Variants in UVRAG observed in about 807,000 individuals in gnomAD.
The protein encoded by UVRAG is UV radiation resistance associated, also known as UV radiation resistance-associated gene protein.
A neutral mutation model predicts 78.0 loss-of-function variants in UVRAG; 19 were observed. The ratio of observed to expected loss-of-function variants is 0.24; its 90% CI spans 0.17 to 0.36. The LOEUF is 0.36. UVRAG is among the 10% of genes least tolerant of loss of function. UVRAG has a pLI of 1.00. For synonymous variants in UVRAG, 323 were observed against 324.6 expected (o/e 1.00, Z 0.05); for missense variants, 740 against 853.8 (o/e 0.87, Z 1.66).
At chr11:76,117,518 T>C (rs775750574) in intron 14 of UVRAG, among the ~76,000 whole-genome samples, 2 of 152,220 alleles carry the variant, frequency 1.3e-5, no homozygotes, top group Non-Finnish European at 2.9e-5. Flanking sequence ...TCTAAAAGTG[T>C]TGTTGAGATT....
rs567299206 is a variant in UVRAG at position 76,055,542 on chromosome 11, AT to A, written c.1227-10167del. ...TGTTATTGTATCTTTCCATTTATCT[AT>A]CTGTTTATCTATTATATCAACCTAT... On this transcript the variant is annotated intron_variant, in intron 12 of 14. Transcript: ENST00000356136. Among the ~76,000 whole-genome samples, 451 of 152,220 alleles carry A rather than the reference AT, an allele frequency of 3.0e-3. 4 individuals are homozygous for A. The highest frequency in any genetic ancestry group is 0.01 in the African/African-American group (428 of 41,544).
At chr11:75,982,644 T>G (rs1284653727) in intron 7 of UVRAG, among the ~76,000 whole-genome samples, 1 of 152,172 alleles carries the variant, frequency 6.6e-6, no homozygotes, top group East Asian at 1.9e-4. Context: ...TGGCCTTCTT[T>G]GAAACGGGCA....
At chr11:75,923,609 G>C (rs989605615) in intron 6 of UVRAG, among the ~76,000 whole-genome samples, 4 of 152,146 alleles carry the variant, frequency 2.6e-5, no homozygotes, top group African/African-American at 9.7e-5. Context: ...AAAGTTTTTA[G>C]TTCTTTGAAG....
At chr11:76,135,086 G>T (rs1716557264) in intron 14 of UVRAG, among the ~76,000 whole-genome samples, 1 of 152,172 alleles carries the variant, frequency 6.6e-6, no homozygotes, top group Admixed American at 6.5e-5. Flanking sequence ...CTGATGATCT[G>T]AGGTGGAGGT....
chr11:76,085,845 G>A (rs1951580664), intron 13 of UVRAG, among the ~76,000 whole-genome samples: 1 of 152,026 alleles, frequency 6.6e-6, no homozygotes, highest in Non-Finnish European at 1.5e-5. Flanking sequence ...ATATTTCCAC[G>A]TCCTTTTCCA....
intron 9 of UVRAG, among the ~76,000 whole-genome samples, chr11:76,006,470 G>A (rs1311342556): frequency 1.3e-5 from 2 of 151,734 alleles, no homozygotes; most frequent in African/African-American, 4.8e-5. Context: ...GACCAGCCTG[G>A]GCAACATGGT....
intron 12 of UVRAG, among the ~76,000 whole-genome samples, chr11:76,054,753 GTC>G (rs149372947): frequency 0.013 from 1,939 of 152,228 alleles, 47 homozygotes; most frequent in African/African-American, 0.044. Context: ...TATTTGTCAT[GTC>G]TCTCTCACTG....
chr11:76,020,949 G>A (rs915039736), intron 12 of UVRAG, among the ~76,000 whole-genome samples: 6 of 152,154 alleles, frequency 3.9e-5, no homozygotes, highest in African/African-American at 1.2e-4. Flanking sequence ...TGCCTCCATG[G>A]ATGGGCATTG....
intron 13 of UVRAG, among the ~76,000 whole-genome samples, chr11:76,073,306 A>C (rs1413701292): frequency 6.6e-6 from 1 of 152,128 alleles, no homozygotes; most frequent in Non-Finnish European, 1.5e-5. Flanking sequence ...CTTCTTTTTT[A>C]AAAGCCTTGT....
intron 3 of UVRAG, among the ~76,000 whole-genome samples, chr11:75,872,931 G>T (rs1946685417): frequency 6.6e-6 from 1 of 152,190 alleles, no homozygotes; most frequent in Non-Finnish European, 1.5e-5. Flanking sequence ...GCTGGATATT[G>T]TAGAGGATAA....
chr11:75,968,328 A>G (rs1461657342), intron 7 of UVRAG, among the ~76,000 whole-genome samples: 1 of 152,234 alleles, frequency 6.6e-6, no homozygotes, highest in African/African-American at 2.4e-5. Flanking sequence ...TTGGCGAAAT[A>G]TATGTGACAT....
intron 13 of UVRAG, among the ~76,000 whole-genome samples, chr11:76,077,592 C>G (rs1951426283): frequency 6.6e-6 from 1 of 152,130 alleles, no homozygotes; most frequent in South Asian, 2.1e-4. Flanking sequence ...TATATTATTT[C>G]TTTTATCCTT....
intron 14 of UVRAG, among the ~76,000 whole-genome samples, chr11:76,126,548 G>A (rs1271538722): frequency 6.6e-6 from 1 of 152,100 alleles, no homozygotes; most frequent in Non-Finnish European, 1.5e-5. Context: ...AATGTCTTAA[G>A]TATTTTATCA....
intron 7 of UVRAG, among the ~76,000 whole-genome samples, chr11:75,965,127 C>CA (rs373265402): frequency 2.0e-5 from 3 of 151,268 alleles, no homozygotes; most frequent in Admixed American, 1.3e-4. Flanking sequence ...TCTACACACA[C>CA]AAAAAAAAGG....
intron 8 of UVRAG, among the ~76,000 whole-genome samples, chr11:76,000,303 A>G (rs1286570532): frequency 1.3e-5 from 2 of 152,250 alleles, no homozygotes; most frequent in Non-Finnish European, 2.9e-5. Context: ...TCCACTTTGA[A>G]TATAAAGGTA....
intron 12 of UVRAG, among the ~76,000 whole-genome samples, chr11:76,045,479 A>G (rs1443067171): frequency 6.6e-6 from 1 of 152,250 alleles, no homozygotes; most frequent in Admixed American, 6.5e-5. Context: ...TGTGGAGGAA[A>G]GAAAGAATAT....
At chr11:75,881,409 A>G (rs186650522) in intron 4 of UVRAG, among the ~76,000 whole-genome samples, 82 of 152,346 alleles carry the variant, frequency 5.4e-4, no homozygotes, top group African/African-American at 1.9e-3. Context: ...CTTCCAGGTT[A>G]CAGACAGGTG....
intron 12 of UVRAG, among the ~76,000 whole-genome samples, chr11:76,035,262 T>C (rs2135407827): frequency 6.6e-6 from 1 of 152,312 alleles, no homozygotes; most frequent in African/African-American, 2.4e-5. Flanking sequence ...AATTTTGTAT[T>C]ATATTCTGGT....
chr11:76,032,893 TAAGAG>T (rs1390573976), intron 12 of UVRAG, among the ~76,000 whole-genome samples: 1 of 152,228 alleles, frequency 6.6e-6, no homozygotes, highest in Non-Finnish European at 1.5e-5. Context: ...GAGACATGTA[TAAGAG>T]AAGAGTATTA....
Sources: gnomAD v4.1 joint callset for allele counts (sites outside exome capture counted in the v4.1 genomes callset) on GRCh38, gnomAD v4.1.1 for gene constraint, MANE v1.5 for transcripts, NCBI Gene and HGNC (gene_info 2026-07-23, HGNC 2026-07-21) for gene names.